C8orf34: variants seen among roughly 807,000 people sequenced by gnomAD.
The protein encoded by C8orf34 is chromosome 8 open reading frame 34, also known as uncharacterized protein C8orf34.
In C8orf34, 65 loss-of-function variants were observed where a neutral mutation model predicts 68.3. That is an observed-to-expected ratio of 0.95 (90% CI 0.78 to 1.17). The LOEUF is 1.17. Among genes scored for constraint, C8orf34 ranks in the 50% most tolerant of loss-of-function variants. The pLI, the probability that C8orf34 is intolerant of heterozygous loss-of-function variation, is 0.00. For missense variants in C8orf34, 664 were observed against 655.4 expected (o/e 1.01, Z -0.14); for synonymous variants, 244 against 241.2 (o/e 1.01, Z -0.11).
chr8:68,604,303 GTT>G (rs11313390), intron 7 of C8orf34, among the ~76,000 whole-genome samples: 11 of 148,720 alleles, frequency 7.4e-5, no homozygotes, highest in Admixed American at 1.3e-4. Context: ...ACATTGAGTT[GTT>G]TTTTTTTTAA....
chr8:68,406,819 A>G (rs1380913055), intron 1 of C8orf34, among the ~76,000 whole-genome samples: 9 of 152,136 alleles, frequency 5.9e-5, no homozygotes, highest in Non-Finnish European at 8.8e-5. Context: ...CTAAGGCAGC[A>G]TTATTCCCCC....
At chr8:68,533,203 AC>A (rs1211334591) in intron 7 of C8orf34, 54 bp downstream of exon 7, 13 of 1,532,174 alleles carry the variant, frequency 8.5e-6, no homozygotes, top group Admixed American at 2.2e-5. Flanking sequence ...TGTAAAAAAA[AC>A]GTGTGGTGAT....
intron 4 of C8orf34, among the ~76,000 whole-genome samples, chr8:68,473,591 T>A (rs1368084155): frequency 6.6e-6 from 1 of 152,162 alleles, no homozygotes; most frequent in African/African-American, 2.4e-5. Context: ...TACAGTCTGC[T>A]CTTTGCTAGA....
intron 7 of C8orf34, among the ~76,000 whole-genome samples, chr8:68,584,004 G>A (rs969307876): frequency 2.0e-5 from 3 of 152,064 alleles, no homozygotes; most frequent in African/African-American, 4.8e-5. Flanking sequence ...TATCTGCCAT[G>A]TGAAAAATTA....
At chr8:68,813,524 T>G (rs1454298407) in intron 12 of C8orf34, among the ~76,000 whole-genome samples, 1 of 152,196 alleles carries the variant, frequency 6.6e-6, no homozygotes, top group Non-Finnish European at 1.5e-5. Flanking sequence ...AAATTGATTG[T>G]TCTTCAGTGG....
At chr8:68,408,613 A>G (rs1050649911) in intron 1 of C8orf34, among the ~76,000 whole-genome samples, 13 of 152,080 alleles carry the variant, frequency 8.5e-5, no homozygotes, top group Non-Finnish European at 1.5e-5. Context: ...ATAAATTGTC[A>G]TGCACCACAT....
chr8:68,588,822 C>A (rs1291629065), intron 7 of C8orf34, among the ~76,000 whole-genome samples: 1 of 152,154 alleles, frequency 6.6e-6, no homozygotes, highest in Non-Finnish European at 1.5e-5. Context: ...TCCTCTCTAA[C>A]AATGGGCTAG....
chr8:68,501,627 T>A (rs1234212935), intron 5 of C8orf34, among the ~76,000 whole-genome samples: 1 of 152,136 alleles, frequency 6.6e-6, no homozygotes, highest in East Asian at 1.9e-4. Context: ...TTTCATTTTT[T>A]AAATAATGTT....
At chr8:68,486,757 C>A (rs891478172) in intron 4 of C8orf34, among the ~76,000 whole-genome samples, 13 of 152,190 alleles carry the variant, frequency 8.5e-5, no homozygotes, top group African/African-American at 3.1e-4. Flanking sequence ...GGTTCATTGT[C>A]CTGAGGCTGC....
At chr8:68,515,317 C>G (rs1474167780) in intron 5 of C8orf34, among the ~76,000 whole-genome samples, 1 of 148,602 alleles carries the variant, frequency 6.7e-6, no homozygotes, top group East Asian at 2.0e-4. Context: ...TTTTTTCCTT[C>G]TTTCTCCAGC....
chr8:68,520,783 A>T (rs1384945001), intron 5 of C8orf34, among the ~76,000 whole-genome samples: 1 of 152,112 alleles, frequency 6.6e-6, no homozygotes, highest in Non-Finnish European at 1.5e-5. Context: ...ATTTTTAAAG[A>T]ATTGTTCAAG....
intron 12 of C8orf34, among the ~76,000 whole-genome samples, chr8:68,807,491 G>A (rs922526201): frequency 6.6e-6 from 1 of 151,620 alleles, no homozygotes; most frequent in Non-Finnish European, 1.5e-5. Flanking sequence ...ATTTTTATTT[G>A]GTTCATTTGT....
At chr8:68,521,662 G>A in intron 5 of C8orf34, 137 bp from the exon 6 acceptor site, 1 of 683,836 alleles carries the variant, frequency 1.5e-6, no homozygotes, top group Non-Finnish European at 2.4e-6. Flanking sequence ...AGTAGAGTTG[G>A]AGGAAACTGA....
chr8:68,498,117 G>T (rs777099296), intron 5 of C8orf34, among the ~76,000 whole-genome samples: 43 of 152,062 alleles, frequency 2.8e-4, no homozygotes, highest in Non-Finnish European at 4.3e-4. Flanking sequence ...CATGAGCCAC[G>T]GTGCCCAGCT....
At chr8:68,398,598 T>C (rs1050806447) in intron 1 of C8orf34, among the ~76,000 whole-genome samples, 2 of 152,284 alleles carry the variant, frequency 1.3e-5, no homozygotes, top group East Asian at 3.9e-4. Context: ...TCACTATGTA[T>C]TAATATAAGT....
At chr8:68,366,484 C>T (rs1428374915) in intron 1 of C8orf34, among the ~76,000 whole-genome samples, 3 of 146,750 alleles carry the variant, frequency 2.0e-5, no homozygotes, top group Non-Finnish European at 4.5e-5. Flanking sequence ...ATCACACTAC[C>T]TGACTTCAAA....
chr8:68,390,600 C>A (rs1203023419), intron 1 of C8orf34, among the ~76,000 whole-genome samples: 1 of 152,172 alleles, frequency 6.6e-6, no homozygotes, highest in Middle Eastern at 3.4e-3. Context: ...GGAATTTTAT[C>A]AAGTTTGGAT....
intron 7 of C8orf34, among the ~76,000 whole-genome samples, chr8:68,568,570 A>AT (rs1176699468): frequency 6.6e-6 from 1 of 152,144 alleles, no homozygotes; most frequent in Non-Finnish European, 1.5e-5. Context: ...GAAAAAAAAA[A>AT]AATCTGTGAA....
At chr8:68,349,089 T>C (rs556388795) in intron 1 of C8orf34, among the ~76,000 whole-genome samples, 7 of 152,212 alleles carry the variant, frequency 4.6e-5, no homozygotes, top group African/African-American at 1.7e-4. Flanking sequence ...GTCAGTATAA[T>C]GTTGGCTGTG....
Sources: allele counts gnomAD v4.1 joint callset (sites outside exome capture counted in the v4.1 genomes callset), GRCh38; gene constraint gnomAD v4.1.1; transcripts MANE v1.5; gene names NCBI Gene and HGNC (gene_info 2026-07-23, HGNC 2026-07-21).